Variants in DUS2 observed in about 807,000 individuals in gnomAD.
The protein encoded by DUS2 is dihydrouridine synthase 2.
DUS2 carries 52 observed loss-of-function variants against 71.3 expected under a neutral mutation model. The ratio of observed to expected loss-of-function variants is 0.73; its 90% confidence interval spans 0.58 to 0.92. The LOEUF (loss-of-function observed/expected upper bound fraction) is 0.92. DUS2 is among the 40% of genes least tolerant of loss of function. The pLI is 0.00. For missense variants in DUS2, 558 were observed against 622.6 expected, an observed-to-expected ratio of 0.90 and a Z score of 1.10; for synonymous variants, 204 against 227.8, an observed-to-expected ratio of 0.90 and a Z score of 0.94.
intron 2 of DUS2, among the ~76,000 whole-genome samples, chr16:68,027,642 T>C (rs2151407123): frequency 6.6e-6 from 1 of 152,260 alleles, no homozygotes; most frequent in East Asian, 1.9e-4. Flanking sequence ...ACAGTGCCTA[T>C]TTTCACCTTA....
chr16:68,055,349 A>G (rs2033836765), intron 6 of DUS2, among the ~76,000 whole-genome samples: 1 of 151,172 alleles, frequency 6.6e-6, no homozygotes, highest in Non-Finnish European at 1.5e-5. Context: ...AACTACTTGG[A>G]AGACTGACGT....
chr16:68,071,279 G>C (rs569525985), intron 12 of DUS2, among the ~76,000 whole-genome samples, 171 bp downstream of exon 12: 28 of 152,348 alleles, frequency 1.8e-4, no homozygotes, highest in African/African-American at 6.5e-4. Flanking sequence ...GGTCTCCCCA[G>C]CTGCAATGCT....
intron 14 of DUS2, 42 bp from the exon 15 acceptor site, chr16:68,076,590 G>C: frequency 6.7e-7 from 1 of 1,497,386 alleles, no homozygotes; most frequent in Admixed American, 1.7e-5. Context: ...GGAGGGAGCG[G>C]TGATGGTGGG....
intron 10 of DUS2, among the ~76,000 whole-genome samples, chr16:68,068,471 C>T (rs2074529425): frequency 6.6e-6 from 1 of 152,080 alleles, no homozygotes; most frequent in Admixed American, 6.6e-5. Context: ...GCACAACATT[C>T]CTTGTTTAGA....
intron 6 of DUS2, among the ~76,000 whole-genome samples, chr16:68,055,830 T>TGAA (rs2033844419): frequency 6.9e-6 from 1 of 144,788 alleles, no homozygotes; most frequent in South Asian, 2.5e-4. Context: ...TTTTTGCCAT[T>TGAA]ACTTTCAATG....
intron 2 of DUS2, among the ~76,000 whole-genome samples, chr16:68,037,448 G>C (rs1042697031): frequency 7.3e-6 from 1 of 136,432 alleles, no homozygotes; most frequent in African/African-American, 2.8e-5. Context: ...ATGGAGTCTT[G>C]CTCTTGTTGC....
At chr16:68,045,381 G>A (rs969897359) in intron 3 of DUS2, among the ~76,000 whole-genome samples, 4 of 151,748 alleles carry the variant, frequency 2.6e-5, no homozygotes, top group Non-Finnish European at 4.4e-5. Flanking sequence ...CGAGGCGGGT[G>A]GATCACCCAT....
intron 15 of DUS2, 53 bp downstream of exon 15, chr16:68,076,772 T>C: frequency 6.7e-7 from 1 of 1,490,912 alleles, no homozygotes; most frequent in Non-Finnish European, 9.3e-7. Flanking sequence ...CTCCCATGGC[T>C]TACACCCTCA....
intron 2 of DUS2, among the ~76,000 whole-genome samples, chr16:68,035,894 A>T (rs1378819551): frequency 8.9e-3 from 55 of 6,184 alleles, no homozygotes; most frequent in African/African-American, 0.011. Context: ...TTATATATAT[A>T]TATATATATA....
chr16:68,037,096 C>CAGAT (rs1438240553), intron 2 of DUS2, among the ~76,000 whole-genome samples: 5 of 151,360 alleles, frequency 3.3e-5, no homozygotes, highest in African/African-American at 1.2e-4. Flanking sequence ...AACTCTGCTT[C>CAGAT]AGATACTCCA....
Position 68,056,438 on chromosome 16 carries a change from T to G in DUS2, c.369+14T>G. 6.2e-7 allele frequency: 1 copy of G among 1,605,166 alleles called. No homozygotes were observed. Among genetic ancestry groups the G allele is most frequent in the Non-Finnish European group, 8.5e-7 (1 of 1,172,340 alleles). ...TATTCCACCAAGGTAAACTGGTTTC[T>G]TTATACTCCTCATAAACATAGGATG... On this transcript the variant is annotated intron_variant, in intron 7 of 16. Transcript: ENST00000565263.
chr16:68,038,441 TAA>T (rs1435584106), intron 3 of DUS2, among the ~76,000 whole-genome samples: 2 of 151,730 alleles, frequency 1.3e-5, no homozygotes, highest in Non-Finnish European at 2.9e-5. Context: ...TTTTAAAAAA[TAA>T]AAGAGGCCTG....
chr16:68,055,282 TGG>T (rs2151420451), intron 6 of DUS2, among the ~76,000 whole-genome samples: 1 of 152,210 alleles, frequency 6.6e-6, no homozygotes, highest in Non-Finnish European at 1.5e-5. Context: ...ATAGGAAGCC[TGG>T]GGAACATAGG....
chr16:68,054,132 G>T (rs1432977198), intron 5 of DUS2: 1 of 198,388 alleles, frequency 5.0e-6, no homozygotes, highest in Non-Finnish European at 1.0e-5. Flanking sequence ...TGATGTTTAG[G>T]TTTCTAAAAA....
chr16:68,033,312 G>A (rs1447769401), intron 2 of DUS2, among the ~76,000 whole-genome samples: 2 of 152,122 alleles, frequency 1.3e-5, no homozygotes, highest in African/African-American at 4.8e-5. Flanking sequence ...AGAAGTCAGT[G>A]ATGGATTGAA....
rs774637322 is a variant in DUS2 at position 68,071,070 on chromosome 16, C to T, written c.772C>T (p.Arg258Trp). Residue 258 changes from arginine (R) to tryptophan (W), a missense_variant, in exon 12 of 17, where the codon CGG becomes TGG. By Grantham distance (101) the Arg-to-Trp change is moderately radical. Coordinates refer to ENST00000565263, the MANE Select transcript of DUS2 (RefSeq NM_017803.5). ...NPSIFLKEGL[R>W]PLEEVMQKYI... ...ATCTATCTTCCTCAAGGAGGGTCTG[C>T]GGCCCCTGGAGGAGGTCATGCAGAA... 4.4e-5 allele frequency: 71 copies of T among 1,614,074 alleles called. No homozygotes were observed. The highest frequency in any genetic ancestry group is 4.4e-5 in the Non-Finnish European group (52 of 1,180,046).
chr16:68,030,569 T>C (rs60638792), intron 2 of DUS2, among the ~76,000 whole-genome samples: 29,175 of 151,942 alleles, frequency 0.19, 3,340 homozygotes, highest in African/African-American at 0.31. Context: ...CTAGCCTGGG[T>C]GACAGAGTGA....
At chr16:68,058,902 T>C (rs1465497413) in intron 7 of DUS2, among the ~76,000 whole-genome samples, 2 of 152,164 alleles carry the variant, frequency 1.3e-5, no homozygotes, top group African/African-American at 2.4e-5. Context: ...GGTTCAAAAA[T>C]TGAAGCCAGA....
At chr16:68,077,120 G>A (rs772499235) in intron 15 of DUS2, among the ~76,000 whole-genome samples, 1 of 151,904 alleles carries the variant, frequency 6.6e-6, no homozygotes, top group African/African-American at 2.4e-5. Context: ...TGGACATGGT[G>A]GTGGGCGCCT....
Sources: gnomAD v4.1 joint callset for allele counts (sites outside exome capture counted in the v4.1 genomes callset) on GRCh38, gnomAD v4.1.1 for gene constraint, MANE v1.5 for transcripts, NCBI Gene and HGNC (gene_info 2026-07-23, HGNC 2026-07-21) for gene names.